The following PCDH15 variants were observed in gnomAD, a reference collection of about 807,000 sequenced individuals.
PCDH15 encodes the protein protocadherin related 15.
Under a neutral mutation model 178.5 loss-of-function variants are expected in PCDH15, and 129 were observed. The ratio of observed to expected loss-of-function variants is 0.72; its 90% confidence interval spans 0.63 to 0.84. PCDH15 has a LOEUF of 0.84. Among genes scored for constraint, PCDH15 ranks in the 40% least tolerant of loss-of-function variants. PCDH15 has a pLI of 0.00. For synonymous variants in PCDH15, 800 were observed against 732.0 expected (o/e 1.09, Z -1.50); for missense variants, 2,230 against 2,099.9 (o/e 1.06, Z -1.21).
At chr10:55,382,980 A>C (rs1837572735) in intron 2 of PCDH15, among the ~76,000 whole-genome samples, 1 of 152,168 alleles carries the variant, frequency 6.6e-6, no homozygotes, top group Non-Finnish European at 1.5e-5. Flanking sequence ...CTAAGTATTA[A>C]CCAGCTCAGT....
At chr10:54,702,954 A>C (rs2095326173) in intron 1 of PCDH15, among the ~76,000 whole-genome samples, 1 of 152,062 alleles carries the variant, frequency 6.6e-6, no homozygotes, top group Admixed American at 6.6e-5. Context: ...ACATAAATCC[A>C]AAAATCCTCA....
chr10:53,861,705 A>C (rs541602304), intron 27 of PCDH15, among the ~76,000 whole-genome samples: 1 of 152,188 alleles, frequency 6.6e-6, no homozygotes, highest in Non-Finnish European at 1.5e-5. Context: ...AACATTTTAC[A>C]TATTTTTATC....
intron 2 of PCDH15, among the ~76,000 whole-genome samples, chr10:55,342,739 ACAGACT>A (rs1180381213): frequency 6.6e-6 from 1 of 152,176 alleles, no homozygotes; most frequent in Non-Finnish European, 1.5e-5. Context: ...CCAGTGTCTC[ACAGACT>A]CTTCTTTAAG....
At chr10:55,427,353 G>A (rs953703384) in intron 2 of PCDH15, among the ~76,000 whole-genome samples, 3 of 152,134 alleles carry the variant, frequency 2.0e-5, no homozygotes, top group African/African-American at 7.2e-5. Context: ...GGTGTCAAGT[G>A]CTAAAATACT....
intron 29 of PCDH15, among the ~76,000 whole-genome samples, chr10:53,836,762 A>G (rs1304181028): frequency 6.6e-6 from 1 of 152,202 alleles, no homozygotes; most frequent in Non-Finnish European, 1.5e-5. Flanking sequence ...TACAAAATAT[A>G]AAACAACCAT....
intron 2 of PCDH15, among the ~76,000 whole-genome samples, chr10:54,558,432 C>T (rs1046664839): frequency 1.3e-5 from 2 of 152,088 alleles, no homozygotes; most frequent in African/African-American, 4.8e-5. Context: ...TCTCGCTCTG[C>T]CCACCAGTCT....
chr10:55,168,063 T>C (rs1482965299), intron 1 of PCDH15, among the ~76,000 whole-genome samples: 1 of 152,204 alleles, frequency 6.6e-6, no homozygotes, highest in South Asian at 2.1e-4. Context: ...AAGGAGAAAA[T>C]AAATAGTACT....
intron 2 of PCDH15, chr10:54,599,736 AG>A: frequency 2.1e-6 from 1 of 472,252 alleles, no homozygotes; most frequent in Admixed American, 2.9e-5. Flanking sequence ...GGGAAAAGGA[AG>A]AAGAAGAGGA....
chr10:55,279,017 G>A (rs562626352), intron 1 of PCDH15, among the ~76,000 whole-genome samples: 1 of 152,276 alleles, frequency 6.6e-6, no homozygotes, highest in Non-Finnish European at 1.5e-5. Flanking sequence ...GCATTTACGT[G>A]AGTTGGGCAA....
intron 1 of PCDH15, among the ~76,000 whole-genome samples, chr10:54,770,120 AG>A (rs1328315503): frequency 3.3e-5 from 5 of 152,176 alleles, no homozygotes; most frequent in African/African-American, 4.8e-5. Flanking sequence ...CCATTACTGA[AG>A]AAAGTTCTAT....
intron 4 of PCDH15, among the ~76,000 whole-genome samples, chr10:54,375,721 A>C (rs1244106669): frequency 6.7e-6 from 1 of 149,822 alleles, no homozygotes; most frequent in Non-Finnish European, 1.5e-5. Context: ...CGCCATTGTT[A>C]GTAGGATCAA....
intron 1 of PCDH15, among the ~76,000 whole-genome samples, chr10:54,685,648 T>A (rs1489880205): frequency 6.6e-6 from 1 of 152,178 alleles, no homozygotes; most frequent in African/African-American, 2.4e-5. Context: ...ATACATCCTG[T>A]TAAAATCATT....
intron 15 of PCDH15, among the ~76,000 whole-genome samples, chr10:54,095,333 C>T (rs1237753994): frequency 6.6e-6 from 1 of 151,670 alleles, no homozygotes; most frequent in South Asian, 2.1e-4. Flanking sequence ...ATGTCAAGTA[C>T]TGTTATTTTG....
chr10:54,563,883 G>A (rs962981523), intron 2 of PCDH15, among the ~76,000 whole-genome samples: 1 of 152,130 alleles, frequency 6.6e-6, no homozygotes, highest in African/African-American at 2.4e-5. Context: ...TCTGGTCAGT[G>A]TTGAAGAAAA....
intron 3 of PCDH15, among the ~76,000 whole-genome samples, chr10:54,441,049 C>T (rs1284587117): frequency 1.3e-5 from 2 of 151,852 alleles, no homozygotes; most frequent in African/African-American, 4.8e-5. Flanking sequence ...TTCCTGAAAA[C>T]ATTTTAAAAT....
At chr10:54,824,648 G>T (rs1277829641) in intron 3 of PCDH15, among the ~76,000 whole-genome samples, 1 of 152,050 alleles carries the variant, frequency 6.6e-6, no homozygotes, top group African/African-American at 2.4e-5. Context: ...CCCTGACCTG[G>T]TAAAAATGAC....
intron 3 of PCDH15, among the ~76,000 whole-genome samples, chr10:54,450,661 T>G (rs764383585): frequency 1.3e-5 from 2 of 151,740 alleles, no homozygotes; most frequent in African/African-American, 2.4e-5. Context: ...ATAACTTTAC[T>G]CAGTTATATA....
chr10:54,759,931 T>A (rs1017221793), intron 1 of PCDH15, among the ~76,000 whole-genome samples: 12 of 152,128 alleles, frequency 7.9e-5, no homozygotes, highest in Admixed American at 2.0e-4. Context: ...ATTAGTGCCT[T>A]CTCCTGTTTC....
intron 8 of PCDH15, among the ~76,000 whole-genome samples, chr10:54,304,287 C>G (rs1293280421): frequency 6.6e-6 from 1 of 152,048 alleles, no homozygotes; most frequent in African/African-American, 2.4e-5. Context: ...GTATTCGCCT[C>G]TATATACCAA....
Sources: allele counts gnomAD v4.1 joint callset (sites outside exome capture counted in the v4.1 genomes callset), GRCh38; gene constraint gnomAD v4.1.1; transcripts MANE v1.5; gene names NCBI Gene and HGNC (gene_info 2026-07-23, HGNC 2026-07-21).